SYNE2: variants seen among roughly 807,000 people sequenced by gnomAD.
SYNE2 encodes spectrin repeat containing nuclear envelope protein 2.
SYNE2 carries 431 observed loss-of-function variants against 856.3 expected under a neutral mutation model. The ratio of observed to expected loss-of-function variants is 0.50; its 90% CI spans 0.47 to 0.55. The LOEUF (loss-of-function observed/expected upper bound fraction) is 0.55. Ranked by LOEUF, SYNE2 falls within the 20% of genes least tolerant of loss-of-function variation. The pLI is 0.00. For synonymous variants in SYNE2, 2,923 were observed against 2,872.3 expected, an observed-to-expected ratio of 1.02 and a Z score of -0.56; for missense variants, 8,129 against 8,023.2, an observed-to-expected ratio of 1.01 and a Z score of -0.50.
At chr14:64,080,217 C>T (rs1233398296) in intron 55 of SYNE2, among the ~76,000 whole-genome samples, 3 of 152,258 alleles carry the variant, frequency 2.0e-5, no homozygotes, top group East Asian at 3.9e-4. Context: ...CCAGGTCTTT[C>T]TGTTCCCCTA....
intron 1 of SYNE2, among the ~76,000 whole-genome samples, chr14:63,808,343 G>T (rs570286128): frequency 1.3e-4 from 20 of 152,052 alleles, no homozygotes; most frequent in Admixed American, 5.2e-4. Flanking sequence ...ACAAAAATTT[G>T]CTGGGTGTGT....
intron 1 of SYNE2, among the ~76,000 whole-genome samples, chr14:63,803,927 C>T (rs114647904): frequency 0.01 from 1,575 of 152,284 alleles, 28 homozygotes; most frequent in African/African-American, 0.036. Flanking sequence ...AGATTTCCTC[C>T]TTGCTGTTTT....
intron 6 of SYNE2, 41 bp downstream of exon 6, chr14:63,942,184 A>C (rs201537878): frequency 6.6e-6 from 8 of 1,210,614 alleles, no homozygotes; most frequent in Middle Eastern, 2.2e-4. Context: ...CTACCCTACC[A>C]CAGTATAAAA....
rs747974486 is a variant in SYNE2, at chr14:64,000,737, A to G, written c.3638+18A>G. On this transcript the variant is annotated intron_variant, in intron 28 of 115. Coordinates refer to ENST00000555002, the MANE Select transcript of SYNE2 (RefSeq NM_182914.3). ...AATACCAGGTAAAATTCTGAGATCT[A>G]TTAACTATGAATCTAATAAACTCAC... is the stretch of plus-strand genomic sequence containing the variant. The G allele has an allele frequency of 4.4e-6, 7 of 1,604,522 alleles. No individual in the cohort carries two copies. The highest frequency in any genetic ancestry group is 4.5e-5 in the East Asian group (2 of 44,674).
At chr14:63,791,670 G>C (rs542320641) in intron 1 of SYNE2, among the ~76,000 whole-genome samples, 2 of 152,196 alleles carry the variant, frequency 1.3e-5, no homozygotes, top group East Asian at 1.9e-4. Flanking sequence ...AAGGCTGGAC[G>C]TGGTGGCTCA....
chr14:64,170,194 T>A (rs2098404132), intron 93 of SYNE2, 34 bp from the exon 94 acceptor site: 1 of 1,597,000 alleles, frequency 6.3e-7, no homozygotes, highest in South Asian at 1.1e-5. Context: ...TACATGTCGA[T>A]GTCTGGATTC....
intron 1 of SYNE2, among the ~76,000 whole-genome samples, chr14:63,790,415 G>T (rs1160600553): frequency 1.3e-5 from 2 of 152,118 alleles, no homozygotes; most frequent in African/African-American, 2.4e-5. Context: ...AGTGCTGTAT[G>T]TTTTGTATAT....
In SYNE2 at chr14:63,935,040, C is replaced by T. The variant is rs2095813113; in HGVS notation, c.80-5574C>T. 2.0e-5 allele frequency among the ~76,000 whole-genome samples: 3 copies of T among 151,074 alleles called. No homozygotes were observed. The South Asian group carries it at 6.3e-4, about 32-fold the overall frequency. On this transcript the variant is annotated intron_variant, in intron 2 of 115. Coordinates refer to ENST00000555002, the MANE Select transcript of SYNE2 (RefSeq NM_182914.3). The stretch of plus-strand genomic sequence containing the variant: ...GATGCTTTTTTTTTTTGGGAAGTGG[C>T]AATACATGTTTAAAAGTTATTCTCT...
intron 2 of SYNE2, among the ~76,000 whole-genome samples, chr14:63,934,224 C>A (rs1372002008): frequency 6.6e-6 from 1 of 152,146 alleles, no homozygotes; most frequent in Admixed American, 6.5e-5. Flanking sequence ...TGCACTGTCT[C>A]CTTTGCTAAC....
At chr14:64,146,294 A>T in intron 84 of SYNE2, 71 bp downstream of exon 84, 3 of 1,418,998 alleles carry the variant, frequency 2.1e-6, no homozygotes, top group South Asian at 1.5e-5. Context: ...TGCCCCGAGG[A>T]TAAGTTGCTG....
chr14:64,077,639 T>G (rs114562333), intron 54 of SYNE2, among the ~76,000 whole-genome samples: 3 of 139,994 alleles, frequency 2.1e-5, no homozygotes, highest in African/African-American at 9.4e-5. Flanking sequence ...ATAGAGTTGT[T>G]TTTTTTTTTA....
chr14:64,071,822 G>T (rs2097410972), intron 52 of SYNE2, among the ~76,000 whole-genome samples: 1 of 151,760 alleles, frequency 6.6e-6, no homozygotes, highest in Non-Finnish European at 1.5e-5. Flanking sequence ...TTCGAGACTG[G>T]CCTGGTCAAC....
At chr14:64,166,722 G>C (rs995537111) in intron 90 of SYNE2, 3 of 189,844 alleles carry the variant, frequency 1.6e-5, no homozygotes, top group African/African-American at 2.4e-5. Flanking sequence ...GAGGCAGGTG[G>C]ATCATCCAAG....
chr14:64,224,580 C>G, intron 114 of SYNE2, 33 bp downstream of exon 114: 1 of 1,611,656 alleles, frequency 6.2e-7, no homozygotes, highest in Non-Finnish European at 8.5e-7. Context: ...GAGAACCTCA[C>G]TGGTTATTTT....
Position 64,081,144 on chromosome 14 carries a change from T to G in SYNE2, c.11347-299T>G, listed in dbSNP as rs150683758. On this transcript the variant is annotated intron_variant, in intron 56 of 115. Transcript: ENST00000555002. ...ACAGGAGGACAAAGTACAGTCCAGT[T>G]TTTAAAATGAAGCATAAAATGAGAA... Among the ~76,000 whole-genome samples, 1,238 of 152,306 alleles carry G rather than the reference T, an allele frequency of 8.1e-3. 6 individuals carry two copies. Among genetic ancestry groups the G allele is most frequent in the Non-Finnish European group, 0.013 (898 of 68,026 alleles).
rs575623363 is a variant in SYNE2, at chr14:63,871,618, T to A, written c.-52+18475T>A. Among the ~76,000 whole-genome samples, 5 of 136,510 alleles carry A rather than the reference T, an allele frequency of 3.7e-5. No homozygotes were observed. In the South Asian group the frequency reaches 1.2e-3, roughly 33 times the overall value. The allele number at this position is 136,510 out of a possible 152,430, so 89.6% of individuals were successfully genotyped here. A position where few individuals can be genotyped will look rare whatever the true frequency, so the allele number is the denominator to read the frequency against. ...AAAGAGATGTCATTTTTTTTTTTTT[T>A]AATCTTTCAGAGACAGGGTCTCACT... On this transcript the variant is annotated intron_variant, in intron 1 of 115. Transcript: ENST00000555002.
rs916451071 is a variant in SYNE2, at chr14:63,815,743, C to T, written c.-304-36758C>T. 5.9e-5 allele frequency among the ~76,000 whole-genome samples: 9 copies of T among 152,034 alleles called. 1 individual carries two copies. Among genetic ancestry groups the T allele is most frequent in the Non-Finnish European group, 1.3e-4 (9 of 68,024 alleles). ...ACCATAACAACTCAGGTATGGACAA[C>T]CTTCGTGCCTAATGCTGTATGGGCC... On this transcript the variant is annotated intron_variant, in intron 1 of 23. Transcript: ENST00000674003.
chr14:63,969,254 C>G (rs536070487), intron 11 of SYNE2, among the ~76,000 whole-genome samples: 1 of 149,072 alleles, frequency 6.7e-6, no homozygotes, highest in African/African-American at 2.5e-5. Flanking sequence ...ATTGCAAACT[C>G]TGACTCCTGA....
intron 2 of SYNE2, among the ~76,000 whole-genome samples, chr14:63,911,772 A>G (rs2095476486): frequency 6.6e-6 from 1 of 152,224 alleles, no homozygotes; most frequent in African/African-American, 2.4e-5. Context: ...AAGTTTTCAC[A>G]TCCAGAATAT....
Sources: allele counts gnomAD v4.1 joint callset (sites outside exome capture counted in the v4.1 genomes callset), GRCh38; gene constraint gnomAD v4.1.1; transcripts MANE v1.5; gene names NCBI Gene and HGNC (gene_info 2026-07-23, HGNC 2026-07-21).